CNTNAP2: variants seen among roughly 807,000 people sequenced by gnomAD.
CNTNAP2 encodes contactin associated protein 2.
Under a neutral mutation model 155.2 loss-of-function variants are expected in CNTNAP2, and 98 were observed. The observed-to-expected ratio is 0.63, with a 90% CI of 0.54 to 0.75. CNTNAP2 has a LOEUF of 0.75. Among genes scored for constraint, CNTNAP2 ranks in the 30% least tolerant of loss-of-function variants. The pLI, the probability that CNTNAP2 is intolerant of heterozygous loss-of-function variation, is 0.00. For missense variants in CNTNAP2, 1,727 were observed against 1,688.1 expected, an observed-to-expected ratio of 1.02 and a Z score of -0.40; for synonymous variants, 651 against 631.2, an observed-to-expected ratio of 1.03 and a Z score of -0.47.
intron 20 of CNTNAP2, among the ~76,000 whole-genome samples, chr7:148,231,997 T>A (rs917285331): frequency 6.6e-6 from 1 of 152,172 alleles, no homozygotes; most frequent in Non-Finnish European, 1.5e-5. Context: ...CCTGGAAGTG[T>A]TGGGAGATCC....
chr7:147,419,981 T>A (rs1797261637), intron 10 of CNTNAP2, among the ~76,000 whole-genome samples: 1 of 152,252 alleles, frequency 6.6e-6, no homozygotes, highest in African/African-American at 2.4e-5. Flanking sequence ...AGACATCTTA[T>A]CAAATAAAGC....
chr7:147,282,529 T>C (rs540771393), intron 8 of CNTNAP2, among the ~76,000 whole-genome samples: 2 of 151,932 alleles, frequency 1.3e-5, no homozygotes, highest in South Asian at 4.1e-4. Context: ...TTATACTTTT[T>C]AGTCTAAGGC....
Position 147,639,449 on chromosome 7 carries a change from T to C in CNTNAP2, c.2098+143T>C, listed in dbSNP as rs977929338. The C allele has an allele frequency of 2.6e-5, 21 of 796,354 alleles. No individual in the cohort carries two copies. In the Middle Eastern group the frequency reaches 8.5e-4, roughly 32 times the overall value. 49.3% of individuals were successfully genotyped at this position (796,354 alleles called of 1,614,324 possible). ...GCTGTAAATAAGTAAAATAAAATCA[T>C]TGGGCTTGTTTTCTGGGGAATGAAG... On this transcript the variant is annotated intron_variant, in intron 13 of 23. Coordinates refer to ENST00000361727, the MANE Select transcript of CNTNAP2 (RefSeq NM_014141.6).
intron 12 of CNTNAP2, among the ~76,000 whole-genome samples, chr7:147,593,549 T>C (rs1800777606): frequency 6.6e-6 from 1 of 152,022 alleles, no homozygotes; most frequent in Admixed American, 6.6e-5. Flanking sequence ...TTTAGGCCTT[T>C]AAAAACCTCC....
chr7:148,170,611 A>G (rs1225811676), intron 17 of CNTNAP2, among the ~76,000 whole-genome samples: 3 of 152,238 alleles, frequency 2.0e-5, no homozygotes, highest in Non-Finnish European at 4.4e-5. Flanking sequence ...AATATGTTAG[A>G]AGAAATCAAA....
At chr7:147,948,986 G>C (rs1335680892) in intron 14 of CNTNAP2, among the ~76,000 whole-genome samples, 1 of 151,982 alleles carries the variant, frequency 6.6e-6, no homozygotes, top group Non-Finnish European at 1.5e-5. Context: ...TGGATCACCT[G>C]AGGTTGGGAG....
chr7:147,610,016 C>T (rs1247916001), intron 12 of CNTNAP2, among the ~76,000 whole-genome samples: 2 of 152,066 alleles, frequency 1.3e-5, no homozygotes, highest in Non-Finnish European at 2.9e-5. Flanking sequence ...TGAGGACAAT[C>T]AGTGTGTTTT....
intron 1 of CNTNAP2, among the ~76,000 whole-genome samples, chr7:146,593,412 G>A (rs1012591277): frequency 6.6e-6 from 1 of 152,046 alleles, no homozygotes; most frequent in Non-Finnish European, 1.5e-5. Context: ...GAATGAAGAA[G>A]AGAAACACGT....
intron 8 of CNTNAP2, among the ~76,000 whole-genome samples, chr7:147,225,268 G>A (rs113330628): frequency 2.0e-5 from 3 of 152,288 alleles, no homozygotes; most frequent in African/African-American, 7.2e-5. Context: ...CTTCACAAAT[G>A]TTCTGTCTTG....
intron 8 of CNTNAP2, chr7:147,146,644 A>T (rs1221971697): frequency 1.3e-5 from 2 of 152,350 alleles, no homozygotes; most frequent in South Asian, 2.1e-4. Context: ...AAAAAGAAAA[A>T]GTGATCCAGT....
At chr7:147,689,164 T>C (rs1448870737) in intron 13 of CNTNAP2, among the ~76,000 whole-genome samples, 1 of 151,872 alleles carries the variant, frequency 6.6e-6, no homozygotes, top group Non-Finnish European at 1.5e-5. Flanking sequence ...TTTTTTTTTT[T>C]TTTGAGACAG....
intron 9 of CNTNAP2, among the ~76,000 whole-genome samples, chr7:147,383,595 G>T (rs1270200696): frequency 6.6e-6 from 1 of 151,988 alleles, no homozygotes; most frequent in Admixed American, 6.6e-5. Flanking sequence ...ACAGGGAGGG[G>T]AACACCACGC....
intron 1 of CNTNAP2, among the ~76,000 whole-genome samples, chr7:146,599,670 G>C (rs1000956861): frequency 1.3e-4 from 20 of 151,814 alleles, no homozygotes; most frequent in Admixed American, 1.3e-3. Context: ...TCAGCTTTTT[G>C]GTTGCTTGTG....
chr7:147,957,017 C>T (rs190604496), intron 14 of CNTNAP2, among the ~76,000 whole-genome samples: 11 of 152,082 alleles, frequency 7.2e-5, no homozygotes, highest in African/African-American at 9.7e-5. Flanking sequence ...TGCTTAGATG[C>T]GGTAAAATAA....
rs377561512 is a variant in CNTNAP2, at chr7:146,799,315, T to C, written c.208+24934T>C. On this transcript the variant is annotated intron_variant, in intron 2 of 23. Transcript: ENST00000361727. ...CCATTTCATACTGAAAGATTCTTGA[T>C]TGCTTACCTGTTGATGTCATTCCCT... Among the ~76,000 whole-genome samples, 17 of 152,322 alleles carry C rather than the reference T, an allele frequency of 1.1e-4. No individual in the cohort carries two copies. The South Asian group carries it at 1.7e-3, about 15-fold the overall frequency.
intron 9 of CNTNAP2, among the ~76,000 whole-genome samples, chr7:147,329,461 T>C (rs1204322016): frequency 6.6e-6 from 1 of 152,158 alleles, no homozygotes; most frequent in East Asian, 1.9e-4. Context: ...GTAGAAGTTG[T>C]CTCCAAGGCT....
chr7:147,794,475 C>T (rs895301497), intron 13 of CNTNAP2, among the ~76,000 whole-genome samples: 1 of 151,942 alleles, frequency 6.6e-6, no homozygotes, highest in Non-Finnish European at 1.5e-5. Context: ...AGATGTTAAA[C>T]CAATCTTATA....
chr7:146,218,619 G>A (rs1010502492), intron 1 of CNTNAP2, among the ~76,000 whole-genome samples: 5 of 152,066 alleles, frequency 3.3e-5, no homozygotes, highest in Non-Finnish European at 7.4e-5. Context: ...CCCCTGTGGT[G>A]AGAAATCTGT....
At chr7:147,513,844 C>T (rs851844) in intron 11 of CNTNAP2, among the ~76,000 whole-genome samples, 99,470 of 152,072 alleles carry the variant, frequency 0.65, 33,185 homozygotes, top group South Asian at 0.77. Flanking sequence ...GGGGGATATG[C>T]GTTTTCACCA....
Sources: gnomAD v4.1 joint callset for allele counts (sites outside exome capture counted in the v4.1 genomes callset) on GRCh38, gnomAD v4.1.1 for gene constraint, MANE v1.5 for transcripts, NCBI Gene and HGNC (gene_info 2026-07-23, HGNC 2026-07-21) for gene names.